The following RAVER2 variants were observed in gnomAD, a reference collection of about 807,000 sequenced individuals.
RAVER2 encodes the protein ribonucleoprotein, PTB binding 2.
RAVER2 carries 46 observed loss-of-function variants against 78.1 expected under a neutral mutation model. That is an observed-to-expected ratio of 0.59 (90% confidence interval 0.46 to 0.75). The LOEUF (loss-of-function observed/expected upper bound fraction) is 0.75, where lower values mean the gene tolerates loss of function less well. RAVER2 is among the 30% of genes least tolerant of loss of function. The probability of loss-of-function intolerance (pLI) is 0.00; values close to 1 mark genes in which losing one functional copy is unlikely to be tolerated. For missense variants in RAVER2, 793 were observed against 837.5 expected, an observed-to-expected ratio of 0.95 and a Z score of 0.66; for synonymous variants, 311 against 313.3, an observed-to-expected ratio of 0.99 and a Z score of 0.08.
chr1:64,821,267 A>G (rs1026370478), intron 11 of RAVER2, among the ~76,000 whole-genome samples: 7 of 151,614 alleles, frequency 4.6e-5, no homozygotes, highest in African/African-American at 1.7e-4. Flanking sequence ...TTTTTCTTGT[A>G]AATTTAAGTT....
chr1:64,773,336 C>G (rs372310836), intron 2 of RAVER2, among the ~76,000 whole-genome samples: 1 of 151,974 alleles, frequency 6.6e-6, no homozygotes, highest in Non-Finnish European at 1.5e-5. Context: ...ATCCCTCCCC[C>G]GCTACACCCC....
intron 5 of RAVER2, among the ~76,000 whole-genome samples, chr1:64,795,556 A>G (rs1283861155): frequency 6.6e-6 from 1 of 151,988 alleles, no homozygotes; most frequent in Non-Finnish European, 1.5e-5. Context: ...AGTATTTCAT[A>G]TTTTTTGATG....
At chr1:64,749,260 CA>C (rs1324773972) in intron 1 of RAVER2, among the ~76,000 whole-genome samples, 2 of 152,084 alleles carry the variant, frequency 1.3e-5, no homozygotes, top group African/African-American at 4.8e-5. Flanking sequence ...GCCCAGGCTG[CA>C]GTGCAGTGGT....
intron 5 of RAVER2, among the ~76,000 whole-genome samples, chr1:64,797,917 TTTTTTTC>T (rs1306652893): frequency 6.6e-6 from 1 of 151,682 alleles, no homozygotes; most frequent in Non-Finnish European, 1.5e-5. Flanking sequence ...ATGTAGTTTT[TTTTTTTC>T]TTTTTTTTTT....
intron 5 of RAVER2, among the ~76,000 whole-genome samples, chr1:64,794,969 A>G (rs1172693422): frequency 6.6e-6 from 1 of 151,818 alleles, no homozygotes; most frequent in African/African-American, 2.4e-5. Flanking sequence ...TAGGTCTATG[A>G]TCTATTTTGA....
chr1:64,825,308 G>T (rs1389249905), intron 11 of RAVER2, among the ~76,000 whole-genome samples: 1 of 152,174 alleles, frequency 6.6e-6, no homozygotes, highest in African/African-American at 2.4e-5. Context: ...TTAGGGGCTT[G>T]ATTCAGATCT....
At chr1:64,757,329 A>G (rs1052652011) in intron 1 of RAVER2, among the ~76,000 whole-genome samples, 3 of 152,282 alleles carry the variant, frequency 2.0e-5, no homozygotes, top group East Asian at 1.9e-4. Context: ...CAGTGTTACT[A>G]TATTTGGAGA....
intron 9 of RAVER2, among the ~76,000 whole-genome samples, chr1:64,811,230 C>T (rs1191489659): frequency 6.6e-6 from 1 of 152,152 alleles, no homozygotes; most frequent in Non-Finnish European, 1.5e-5. Context: ...GTAGCTACTT[C>T]CTGTTGCTAT....
intron 11 of RAVER2, among the ~76,000 whole-genome samples, chr1:64,817,410 C>A (rs975984628): frequency 2.6e-5 from 4 of 152,224 alleles, no homozygotes; most frequent in Admixed American, 2.6e-4. Flanking sequence ...TGGGTATATA[C>A]CCAAAGAATT....
At chr1:64,791,620 T>G (rs540524280) in intron 5 of RAVER2, among the ~76,000 whole-genome samples, 1 of 152,178 alleles carries the variant, frequency 6.6e-6, no homozygotes, top group Non-Finnish European at 1.5e-5. Flanking sequence ...GCTTTGGTAG[T>G]TTTCTGGCTC....
At chr1:64,769,917 G>C (rs1377627608) in intron 2 of RAVER2, among the ~76,000 whole-genome samples, 1 of 151,872 alleles carries the variant, frequency 6.6e-6, no homozygotes, top group Non-Finnish European at 1.5e-5. Flanking sequence ...TTCATAAATG[G>C]CATTCTAATG....
At chr1:64,750,406 T>C (rs1651667418) in intron 1 of RAVER2, among the ~76,000 whole-genome samples, 1 of 151,780 alleles carries the variant, frequency 6.6e-6, no homozygotes, top group African/African-American at 2.4e-5. Flanking sequence ...ACTCCTGGGC[T>C]CAAGTGATCT....
intron 6 of RAVER2, among the ~76,000 whole-genome samples, chr1:64,803,401 TATAA>T (rs1241434279): frequency 6.6e-6 from 1 of 152,098 alleles, no homozygotes; most frequent in African/African-American, 2.4e-5. Flanking sequence ...AGAAAGAAAA[TATAA>T]ATGAACAGTA....
intron 7 of RAVER2, 32 bp from the exon 8 acceptor site, chr1:64,804,959 C>T (rs1347565163): frequency 4.4e-6 from 7 of 1,597,344 alleles, no homozygotes; most frequent in Non-Finnish European, 6.0e-6. Context: ...ATCTTATGGC[C>T]ATGGGTCTTA....
At chr1:64,828,157 A>ACCCCCC (rs200329508) in intron 11 of RAVER2, among the ~76,000 whole-genome samples, 1 of 51,226 alleles carries the variant, frequency 2.0e-5, no homozygotes, top group Non-Finnish European at 4.0e-5. Context: ...TTTCAAACCC[A>ACCCCCC]CCCCCCCCAC....
intron 1 of RAVER2, among the ~76,000 whole-genome samples, chr1:64,751,023 G>A (rs1651682582): frequency 6.6e-6 from 1 of 152,188 alleles, no homozygotes; most frequent in Admixed American, 6.6e-5. Context: ...GAGAAATGCA[G>A]TTCTCTGCTA....
chr1:64,785,900 C>T (rs1439881209), intron 4 of RAVER2, among the ~76,000 whole-genome samples: 1 of 151,936 alleles, frequency 6.6e-6, no homozygotes, highest in African/African-American at 2.4e-5. Flanking sequence ...TATATAATAA[C>T]ATCTTGCATT....
intron 4 of RAVER2, among the ~76,000 whole-genome samples, chr1:64,786,780 G>A (rs1047184051): frequency 2.0e-5 from 3 of 151,750 alleles, no homozygotes; most frequent in Non-Finnish European, 4.4e-5. Flanking sequence ...GTGACACAGC[G>A]AGACTCTGTC....
At chr1:64,768,483 G>A (rs886904747) in intron 1 of RAVER2, among the ~76,000 whole-genome samples, 173 bp from the exon 2 acceptor site, 6 of 151,910 alleles carry the variant, frequency 3.9e-5, no homozygotes, top group African/African-American at 1.4e-4. Flanking sequence ...GGATGTCTGG[G>A]GAATCTGGAA....
Sources: allele counts gnomAD v4.1 joint callset (sites outside exome capture counted in the v4.1 genomes callset), GRCh38; gene constraint gnomAD v4.1.1; transcripts MANE v1.5; gene names NCBI Gene and HGNC (gene_info 2026-07-23, HGNC 2026-07-21).